The following FAM13C variants were observed in gnomAD, a reference collection of about 807,000 sequenced individuals.
FAM13C encodes protein FAM13C.
Under a neutral mutation model 73.2 loss-of-function variants are expected in FAM13C, and 37 were observed. The ratio of observed to expected loss-of-function variants is 0.51; its 90% CI spans 0.39 to 0.67. The LOEUF (loss-of-function observed/expected upper bound fraction) is 0.67, where lower values mean the gene tolerates loss of function less well. Among genes scored for constraint, FAM13C ranks in the 30% least tolerant of loss-of-function variants. The pLI is 0.00. For synonymous variants in FAM13C, 246 were observed against 260.9 expected, an observed-to-expected ratio of 0.94 and a Z score of 0.55; for missense variants, 589 against 715.6, an observed-to-expected ratio of 0.82 and a Z score of 2.02.
intron 4 of FAM13C, among the ~76,000 whole-genome samples, chr10:59,310,557 A>T (rs1400120522): frequency 6.6e-6 from 1 of 152,156 alleles, no homozygotes; most frequent in Non-Finnish European, 1.5e-5. Flanking sequence ...TAAGCAGCCA[A>T]CTTCAAAGAC....
chr10:59,339,457 A>G (rs1853200674), intron 3 of FAM13C, among the ~76,000 whole-genome samples: 1 of 152,164 alleles, frequency 6.6e-6, no homozygotes, highest in Admixed American at 6.5e-5. Flanking sequence ...AAGAAAACTC[A>G]TTAGGATGGA....
chr10:59,293,719 A>C (rs1846563107), intron 5 of FAM13C, among the ~76,000 whole-genome samples: 1 of 152,222 alleles, frequency 6.6e-6, no homozygotes, highest in Admixed American at 6.5e-5. Context: ...TAGGAAGGCC[A>C]GATGTCCCGA....
chr10:59,330,071 A>G (rs974115341), intron 3 of FAM13C, among the ~76,000 whole-genome samples: 2 of 152,256 alleles, frequency 1.3e-5, no homozygotes, highest in Non-Finnish European at 2.9e-5. Flanking sequence ...AAATATTTGA[A>G]TAAAATCAAT....
At chr10:59,289,038 C>T (rs547992013) in intron 5 of FAM13C, among the ~76,000 whole-genome samples, 1 of 152,122 alleles carries the variant, frequency 6.6e-6, no homozygotes, top group Non-Finnish European at 1.5e-5. Flanking sequence ...CACCAGGGAC[C>T]GGCTTTGCAG....
intron 2 of FAM13C, among the ~76,000 whole-genome samples, chr10:59,353,362 C>T (rs1420529818): frequency 2.0e-5 from 3 of 152,142 alleles, no homozygotes; most frequent in Non-Finnish European, 4.4e-5. Context: ...ACAGACATAA[C>T]CAGAAGGGGC....
rs1850255076 is a variant in FAM13C, at chr10:59,321,431, C to CTTTTTTTTTTTTTTTT, written c.443+2556_443+2557insAAAAAAAAAAAAAAAA. ...AGAAAGGAATGGAGCCCTGCCAACA[C>CTTTTTTTTTTTTTTTT]CTTTTTTTTTTTTTTTTTTTTTTTT... On this transcript the variant is annotated intron_variant, in intron 4 of 13. Coordinates refer to ENST00000618804, the MANE Select transcript of FAM13C (RefSeq NM_198215.4). 7.3e-5 allele frequency among the ~76,000 whole-genome samples: 8 copies of CTTTTTTTTTTTTTTTT among 109,856 alleles called. 3 individuals are homozygous for CTTTTTTTTTTTTTTTT. The highest frequency in any genetic ancestry group is 1.0e-4 in the African/African-American group (3 of 28,920). The allele number at this position is 109,856 out of a possible 152,430, so 72.1% of individuals were successfully genotyped here.
rs929177409 is a variant in FAM13C at position 59,310,741 on chromosome 10, A to G, written c.444-7877T>C. Among the ~76,000 whole-genome samples, 14 of 152,230 alleles carry G rather than the reference A, an allele frequency of 9.2e-5. No individual in the cohort carries two copies. The Middle Eastern group carries it at 0.01, about 111-fold the overall frequency. On this transcript the variant is annotated intron_variant, in intron 4 of 13. Transcript: ENST00000618804. ...GCTAGAAACAGAACACTGATCCCCA[A>G]TGGTATACCCTCCCAGAAGCCAACT...
chr10:59,276,125 T>G (rs986442717), intron 6 of FAM13C, among the ~76,000 whole-genome samples: 5 of 152,164 alleles, frequency 3.3e-5, no homozygotes, highest in African/African-American at 9.7e-5. Context: ...ATTCCAAATT[T>G]AATAGGTAGT....
chr10:59,343,293 T>C (rs1293425878), intron 3 of FAM13C, among the ~76,000 whole-genome samples: 3 of 152,202 alleles, frequency 2.0e-5, no homozygotes, highest in Non-Finnish European at 2.9e-5. Flanking sequence ...AAAACAATAA[T>C]ATAATAGCAC....
At chr10:59,265,881 A>G (rs1322618796) in intron 8 of FAM13C, among the ~76,000 whole-genome samples, 1 of 152,146 alleles carries the variant, frequency 6.6e-6, no homozygotes, top group Non-Finnish European at 1.5e-5. Context: ...GATCTTCAAG[A>G]CTTTTAACTT....
intron 11 of FAM13C, 96 bp downstream of exon 11, chr10:59,254,252 G>A (rs1001297167): frequency 1.8e-5 from 14 of 795,908 alleles, no homozygotes; most frequent in African/African-American, 1.4e-4. Context: ...AGTATATACT[G>A]CCATGAAGGG....
At chr10:59,291,959 T>G (rs1846305213) in intron 5 of FAM13C, among the ~76,000 whole-genome samples, 1 of 151,962 alleles carries the variant, frequency 6.6e-6, no homozygotes. Flanking sequence ...TGGCGAATTT[T>G]TTATATTTTT....
chr10:59,248,466 A>G (rs1435761563), intron 13 of FAM13C, among the ~76,000 whole-genome samples: 1 of 152,150 alleles, frequency 6.6e-6, no homozygotes, highest in Non-Finnish European at 1.5e-5. Flanking sequence ...AGTTAAAACC[A>G]TTTGCCTTCC....
intron 4 of FAM13C, among the ~76,000 whole-genome samples, chr10:59,317,498 G>C (rs1027349447): frequency 6.6e-6 from 1 of 152,102 alleles, no homozygotes; most frequent in African/African-American, 2.4e-5. Flanking sequence ...TGATACCAAA[G>C]CTTGCAAAAC....
chr10:59,252,675 G>A, intron 12 of FAM13C, 124 bp downstream of exon 12: 3 of 820,952 alleles, frequency 3.7e-6, no homozygotes, highest in Non-Finnish European at 5.9e-6. Context: ...CTAGGATAAA[G>A]GCCCTGAGAA....
At chr10:59,298,124 TA>T (rs1165844031) in intron 5 of FAM13C, among the ~76,000 whole-genome samples, 24 of 152,248 alleles carry the variant, frequency 1.6e-4, no homozygotes, top group Non-Finnish European at 7.3e-5. Context: ...AAGATTGTTT[TA>T]TTTTTTTCAG....
rs777003810 is a variant in FAM13C at position 59,355,874 on chromosome 10, T to C, written c.119+13A>G. ...TCTCTCACAAATATGAACCAAGCAATGGTGGCTTTTACCTGAGACTGGAGC... is the reference window on the plus strand; with the variant it reads ...TCTCTCACAAATATGAACCAAGCAACGGTGGCTTTTACCTGAGACTGGAGC... On this transcript the variant is annotated intron_variant, in intron 2 of 13. Coordinates refer to ENST00000618804, the MANE Select transcript of FAM13C (RefSeq NM_198215.4). 10 of 1,613,382 alleles carry C rather than the reference T, an allele frequency of 6.2e-6. No homozygotes were observed. The highest frequency in any genetic ancestry group is 8.5e-6 in the Non-Finnish European group (10 of 1,179,502).
intron 6 of FAM13C, among the ~76,000 whole-genome samples, chr10:59,275,967 G>C (rs958263141): frequency 2.0e-5 from 3 of 152,124 alleles, no homozygotes; most frequent in African/African-American, 7.2e-5. Flanking sequence ...TCTTTCCTTA[G>C]AAAACAAGGG....
At chr10:59,253,321 TTCAC>T (rs1841592622) in intron 11 of FAM13C, among the ~76,000 whole-genome samples, 1 of 152,190 alleles carries the variant, frequency 6.6e-6, no homozygotes, top group Non-Finnish European at 1.5e-5. Flanking sequence ...GTTCCTCCCT[TTCAC>T]TCAGACCTTC....
Sources: allele counts gnomAD v4.1 joint callset (sites outside exome capture counted in the v4.1 genomes callset), GRCh38; gene constraint gnomAD v4.1.1; transcripts MANE v1.5; gene names NCBI Gene and HGNC (gene_info 2026-07-23, HGNC 2026-07-21).